Variants in HYDIN observed in about 807,000 individuals in gnomAD.
HYDIN encodes HYDIN axonemal central pair apparatus protein.
Under a neutral mutation model 403.9 loss-of-function variants are expected in HYDIN, and 132 were observed. The observed-to-expected ratio is 0.33, with a 90% confidence interval of 0.28 to 0.38. The LOEUF (loss-of-function observed/expected upper bound fraction) is 0.38, where lower values mean the gene tolerates loss of function less well. Among genes scored for constraint, HYDIN ranks in the 10% least tolerant of loss-of-function variants. The probability of loss-of-function intolerance (pLI) is 1.00; values close to 1 mark genes in which losing one functional copy is unlikely to be tolerated. For missense variants in HYDIN, 2,827 were observed against 5,009.5 expected (o/e 0.56, Z 13.15); for synonymous variants, 1,202 against 1,891.7 (o/e 0.64, Z 9.46).
At chr16:71,074,915 C>G (rs1353418871) in intron 13 of HYDIN, among the ~76,000 whole-genome samples, 1 of 146,780 alleles carries the variant, frequency 6.8e-6, no homozygotes, top group Non-Finnish European at 1.5e-5. Context: ...TTGGCTGATG[C>G]AGTACAGACT....
chr16:71,020,421 T>C lies in HYDIN; in HGVS notation c.3187-104A>G, dbSNP rs1282924661. ...TGTTTAGAACAAATTTAGCAATCTT[T>C]CTTTTTCTTTGTGTGTGTGTGTGTG... On this transcript the variant is annotated intron_variant, in intron 21 of 85. Coordinates refer to ENST00000393567, the MANE Select transcript of HYDIN (RefSeq NM_001270974.2). The C allele has an allele frequency of 2.8e-6, 4 of 1,432,038 alleles. No individual in the cohort carries two copies. In the African/African-American group the frequency reaches 4.3e-5, roughly 16 times the overall value. 88.7% of individuals were successfully genotyped at this position (1,432,038 alleles called of 1,614,324 possible).
intron 50 of HYDIN, among the ~76,000 whole-genome samples, chr16:70,905,705 T>C (rs1012012819): frequency 6.6e-6 from 1 of 151,570 alleles, no homozygotes; most frequent in African/African-American, 2.4e-5. Flanking sequence ...CTGGAACTTA[T>C]TTTGGATTAC....
chr16:71,183,017 T>C (rs2086970907), intron 3 of HYDIN, among the ~76,000 whole-genome samples: 1 of 152,000 alleles, frequency 6.6e-6, no homozygotes, highest in African/African-American at 2.4e-5. Flanking sequence ...ATGGAAGCAA[T>C]ATGTTCTGAT....
intron 39 of HYDIN, among the ~76,000 whole-genome samples, chr16:70,957,227 G>A (rs540311020): frequency 0.037 from 5,511 of 150,962 alleles, 213 homozygotes; most frequent in African/African-American, 0.13. Context: ...TCATCTAAGC[G>A]GAGTCATACA....
At chr16:71,228,492 G>A (rs191679533) in intron 1 of HYDIN, among the ~76,000 whole-genome samples, 2 of 152,248 alleles carry the variant, frequency 1.3e-5, no homozygotes, top group African/African-American at 4.8e-5. Flanking sequence ...CAAAAAGTGG[G>A]CAAAGGATAT....
At chr16:71,004,498 T>A (rs1220205987) in intron 23 of HYDIN, among the ~76,000 whole-genome samples, 1 of 152,164 alleles carries the variant, frequency 6.6e-6, no homozygotes, top group Non-Finnish European at 1.5e-5. Context: ...TCTTCTTTAA[T>A]GGGGTAGTAT....
At chr16:70,950,804 T>G (rs2078042502) in intron 41 of HYDIN, among the ~76,000 whole-genome samples, 1 of 152,304 alleles carries the variant, frequency 6.6e-6, no homozygotes, top group South Asian at 2.1e-4. Flanking sequence ...TAATTCCTTC[T>G]CTACTGAGGC....
intron 39 of HYDIN, 60 bp downstream of exon 39, chr16:70,959,587 G>A: frequency 1.9e-6 from 1 of 527,140 alleles, no homozygotes; most frequent in Non-Finnish European, 3.0e-6. Flanking sequence ...GGAAGCCGCA[G>A]AGTTTACAGA....
chr16:70,874,750 G>A (rs1055750223), intron 63 of HYDIN, 67 bp downstream of exon 63: 61 of 1,528,224 alleles, frequency 4.0e-5, no homozygotes, highest in Non-Finnish European at 5.3e-5. Context: ...GCTGGGCCTT[G>A]AGTGGTCCCC....
At chr16:70,963,293 A>G (rs1001758350) in intron 37 of HYDIN, among the ~76,000 whole-genome samples, 1 of 150,552 alleles carries the variant, frequency 6.6e-6, no homozygotes, top group Non-Finnish European at 1.5e-5. Flanking sequence ...TGATGGGCTT[A>G]ATGGTGTCCT....
chr16:70,997,007 T>C (rs2079552877), intron 23 of HYDIN, among the ~76,000 whole-genome samples: 1 of 150,600 alleles, frequency 6.6e-6, no homozygotes, highest in African/African-American at 2.4e-5. Context: ...CTTGTTTTCC[T>C]GCAACTAGAT....
rs1412379505 is a variant in HYDIN at position 70,970,629 on chromosome 16, A to G, written c.5510T>C (p.Leu1837Pro). 1.3e-6 allele frequency: 2 copies of G among 1,488,630 alleles called. No individual in the cohort carries two copies. The highest frequency in any genetic ancestry group is 1.4e-5 in the African/African-American group (1 of 72,062). 92.2% of individuals were successfully genotyped at this position (1,488,630 alleles called of 1,614,324 possible). The change falls in exon 36 of 86, where the codon CTA becomes CCA. Residue 1837 changes from leucine (L) to proline (P), a missense_variant. By Grantham distance (98) the Leu-to-Pro change is moderately conservative (BLOSUM62 -3). Transcript: ENST00000393567. ...SPSVLDLGPL[L>P]LCAPGDEAEV... ...GGCCTCGTCTCCAGGTGCACAAAGT[A>G]GCAGTGGCCCCAGATCCAGGACTGA...
intron 5 of HYDIN, among the ~76,000 whole-genome samples, chr16:71,174,371 G>C (rs559623407): frequency 2.6e-5 from 4 of 152,104 alleles, no homozygotes; most frequent in Non-Finnish European, 5.9e-5. Flanking sequence ...AGGTACTAGC[G>C]GTGGAGAAGC....
rs746139483 is a variant in HYDIN at position 70,921,103 on chromosome 16, C to G, written c.7273G>C (p.Gly2425Arg). 6.4e-7 allele frequency: 1 copy of G among 1,559,812 alleles called. No homozygotes were observed. The highest frequency in any genetic ancestry group is 1.7e-5 in the Admixed American group (1 of 59,320). ...EELNKKKRNMGDVSMHGLPLV... is the reference protein window; with the variant it reads ...EELNKKKRNMRDVSMHGLPLV... ...GGAAGCCCATGCATGCTGACATCGCCCATGTTCCTTTTCTTCTTATTTAGC... is the reference window on the plus strand; with the variant it reads ...GGAAGCCCATGCATGCTGACATCGCGCATGTTCCTTTTCTTCTTATTTAGC... Residue 2425 changes from glycine to arginine, a missense_variant, in exon 46 of 86, where the codon GGC (glycine) becomes CGC (arginine). Transcript: ENST00000393567.
chr16:71,135,680 C>T (rs2040833), intron 8 of HYDIN, among the ~76,000 whole-genome samples: 5 of 152,204 alleles, frequency 3.3e-5, no homozygotes, highest in Admixed American at 6.5e-5. Context: ...ACATGTGAGT[C>T]GGGGAACCAG....
intron 18 of HYDIN, among the ~76,000 whole-genome samples, chr16:71,046,659 A>G (rs2081459930): frequency 6.6e-6 from 1 of 152,248 alleles, no homozygotes; most frequent in Non-Finnish European, 1.5e-5. Flanking sequence ...AGAAAACGAA[A>G]CAGAGGTAGA....
At chr16:71,152,192 G>A (rs1237353835) in intron 7 of HYDIN, among the ~76,000 whole-genome samples, 2 of 150,784 alleles carry the variant, frequency 1.3e-5, no homozygotes, top group Admixed American at 6.6e-5. Flanking sequence ...ACCAGTTAGG[G>A]GGATTTCTGA....
At chr16:70,971,372 G>T (rs1774288) in intron 35 of HYDIN, among the ~76,000 whole-genome samples, 367 of 146,928 alleles carry the variant, frequency 2.5e-3, no homozygotes, top group African/African-American at 9.7e-3. Context: ...GGTTAATAGT[G>T]ATATCATAAC....
intron 22 of HYDIN, among the ~76,000 whole-genome samples, chr16:71,018,864 G>A (rs1166152542): frequency 6.8e-6 from 1 of 147,106 alleles, no homozygotes; most frequent in Non-Finnish European, 1.5e-5. Flanking sequence ...CCTTAGGCAA[G>A]TGGGAAAAAT....
Sources: allele counts gnomAD v4.1 joint callset (sites outside exome capture counted in the v4.1 genomes callset), GRCh38; gene constraint gnomAD v4.1.1; transcripts MANE v1.5; gene names NCBI Gene and HGNC (gene_info 2026-07-23, HGNC 2026-07-21).